The following ABL1 variants were observed in gnomAD, a reference collection of about 807,000 sequenced individuals.
ABL1 encodes the protein tyrosine-protein kinase ABL1.
In ABL1, 11 loss-of-function variants were observed where a neutral mutation model predicts 94.7. The ratio of observed to expected loss-of-function variants is 0.12; its 90% CI spans 0.07 to 0.19. The LOEUF (loss-of-function observed/expected upper bound fraction) is 0.19, where lower values mean the gene tolerates loss of function less well. Ranked by LOEUF, ABL1 falls within the 10% of genes least tolerant of loss-of-function variation. ABL1 has a pLI of 1.00. For synonymous variants in ABL1, 656 were observed against 622.4 expected (o/e 1.05, Z -0.80); for missense variants, 1,082 against 1,489.4 (o/e 0.73, Z 4.50).
chr9:130,739,451 A>AT (rs1831789413), intron 1 of ABL1, among the ~76,000 whole-genome samples: 2 of 144,792 alleles, frequency 1.4e-5, no homozygotes, highest in Non-Finnish European at 3.2e-5. Context: ...ATGTAAAAAA[A>AT]ATTTTTAAGC....
chr9:130,816,981 C>T (rs1354861718), intron 1 of ABL1, among the ~76,000 whole-genome samples: 1 of 152,240 alleles, frequency 6.6e-6, no homozygotes, highest in East Asian at 1.9e-4. Context: ...GCTGGGATTA[C>T]AGGCGTGAGC....
In ABL1 at chr9:130,773,449, A is replaced by G. The variant is rs142857380; in HGVS notation, c.136+58994A>G. 8.8e-3 allele frequency among the ~76,000 whole-genome samples: 1,332 copies of G among 151,934 alleles called. 19 individuals are homozygous for G. Among genetic ancestry groups the G allele is most frequent in the African/African-American group, 0.031 (1,265 of 41,454 alleles). ...AGTAATCAAGATGCTTTTTTCCCCC[A>G]ATGTTTTGTTTTTGTTGCTATTGTT... On this transcript the variant is annotated intron_variant, in intron 1 of 10. Transcript: ENST00000372348.
intron 1 of ABL1, among the ~76,000 whole-genome samples, chr9:130,837,417 T>G (rs1830605601): frequency 6.6e-6 from 1 of 152,208 alleles, no homozygotes; most frequent in African/African-American, 2.4e-5. Flanking sequence ...TGCCAAGTCA[T>G]TGTTTTGTTT....
At chr9:130,771,385 T>G (rs374716802) in intron 1 of ABL1, among the ~76,000 whole-genome samples, 4 of 151,020 alleles carry the variant, frequency 2.6e-5, no homozygotes, top group African/African-American at 9.9e-5. Flanking sequence ...GTGCTTTAAG[T>G]TTTTTTTAGG....
At chr9:130,741,564 C>G (rs1217232063) in intron 1 of ABL1, among the ~76,000 whole-genome samples, 2 of 151,336 alleles carry the variant, frequency 1.3e-5, no homozygotes, top group Admixed American at 6.6e-5. Flanking sequence ...CGCACTGATG[C>G]ACCAGTTACC....
chr9:130,770,640 G>A (rs188278386), intron 1 of ABL1, among the ~76,000 whole-genome samples: 21 of 152,358 alleles, frequency 1.4e-4, no homozygotes, highest in Admixed American at 1.2e-3. Flanking sequence ...AGTGCTTACT[G>A]TGTGCAGGCA....
At chr9:130,869,472 C>T (rs547902293) in intron 4 of ABL1, among the ~76,000 whole-genome samples, 2 of 152,304 alleles carry the variant, frequency 1.3e-5, no homozygotes, top group South Asian at 4.2e-4. Flanking sequence ...GGTCACACAG[C>T]AGCAGAGCTA....
intron 1 of ABL1, among the ~76,000 whole-genome samples, chr9:130,734,248 C>A (rs913190184): frequency 6.8e-6 from 1 of 146,468 alleles, no homozygotes; most frequent in Non-Finnish European, 1.5e-5. Flanking sequence ...GAGTCTCGCT[C>A]TGTCACCCAG....
chr9:130,730,572 C>CT (rs906664527), intron 1 of ABL1, among the ~76,000 whole-genome samples: 181 of 150,004 alleles, frequency 1.2e-3, no homozygotes, highest in African/African-American at 3.8e-3. Flanking sequence ...ATTTTTTTTC[C>CT]TTTTTTTTTC....
intron 1 of ABL1, among the ~76,000 whole-genome samples, chr9:130,727,441 TTAATTC>T (rs1831600888): frequency 6.6e-6 from 1 of 152,048 alleles, no homozygotes. Flanking sequence ...ATTTTTTCCT[TTAATTC>T]TATCACTTCT....
intron 1 of ABL1, among the ~76,000 whole-genome samples, chr9:130,782,441 T>G (rs1487552749): frequency 1.3e-5 from 2 of 152,230 alleles, no homozygotes; most frequent in Non-Finnish European, 2.9e-5. Context: ...GAATGGATCC[T>G]GACCCAAGTT....
chr9:130,803,632 A>T (rs2132836086), intron 1 of ABL1, among the ~76,000 whole-genome samples: 1 of 152,342 alleles, frequency 6.6e-6, no homozygotes, highest in South Asian at 2.1e-4. Flanking sequence ...GGAATCTGTT[A>T]TCTGGAGGTA....
intron 1 of ABL1, among the ~76,000 whole-genome samples, chr9:130,767,192 C>G (rs1037994283): frequency 2.0e-5 from 3 of 152,232 alleles, no homozygotes; most frequent in Non-Finnish European, 4.4e-5. Flanking sequence ...TCCTCTTCCC[C>G]TTTTCATTTC....
At chr9:130,771,744 C>CTTTCTTTCTTTCTTTG (rs1223694467) in intron 1 of ABL1, among the ~76,000 whole-genome samples, 2 of 98,666 alleles carry the variant, frequency 2.0e-5, no homozygotes, top group Non-Finnish European at 3.9e-5. Context: ...TTCTTTCTTT[C>CTTTCTTTCTTTCTTTG]TTTCTTTCTT....
intron 6 of ABL1, among the ~76,000 whole-genome samples, chr9:130,873,529 T>C (rs1831289984): frequency 6.6e-6 from 1 of 152,228 alleles, no homozygotes; most frequent in Non-Finnish European, 1.5e-5. Context: ...CTGCTTTCTC[T>C]TTATTATCTT....
At chr9:130,755,779 G>A (rs1365262419) in intron 1 of ABL1, among the ~76,000 whole-genome samples, 1 of 152,098 alleles carries the variant, frequency 6.6e-6, no homozygotes, top group Non-Finnish European at 1.5e-5. Flanking sequence ...GTAGGGGTTG[G>A]TGGAATCCTG....
At chr9:130,730,559 T>C (rs1244345670) in intron 1 of ABL1, among the ~76,000 whole-genome samples, 1 of 152,148 alleles carries the variant, frequency 6.6e-6, no homozygotes, top group Non-Finnish European at 1.5e-5. Context: ...AGGAGTTATT[T>C]ATATTTTTTT....
intron 1 of ABL1, among the ~76,000 whole-genome samples, chr9:130,792,414 C>T (rs144699593): frequency 5.9e-5 from 9 of 152,252 alleles, no homozygotes; most frequent in African/African-American, 2.2e-4. Context: ...TTCATTCCTC[C>T]TCATCTTGAT....
chr9:130,734,465 T>G (rs1831708770), intron 1 of ABL1, among the ~76,000 whole-genome samples: 1 of 151,804 alleles, frequency 6.6e-6, no homozygotes, highest in Admixed American at 6.6e-5. Flanking sequence ...TCCGCCCGCC[T>G]TGGCTTCCCA....
Sources: allele counts gnomAD v4.1 joint callset (sites outside exome capture counted in the v4.1 genomes callset), GRCh38; gene constraint gnomAD v4.1.1; transcripts MANE v1.5; gene names NCBI Gene and HGNC (gene_info 2026-07-23, HGNC 2026-07-21).